The following ITGBL1 variants were observed in gnomAD, a reference collection of about 807,000 sequenced individuals.
ITGBL1 encodes the protein integrin subunit beta like 1.
In ITGBL1, 51 loss-of-function variants were observed where a neutral mutation model predicts 68.5. That is an observed-to-expected ratio of 0.74 (90% CI 0.59 to 0.94). ITGBL1 has a LOEUF of 0.94. ITGBL1 is among the 40% of genes least tolerant of loss of function. ITGBL1 has a pLI of 0.00. For synonymous variants in ITGBL1, 209 were observed against 227.3 expected (o/e 0.92, Z 0.72); for missense variants, 649 against 647.4 (o/e 1.00, Z -0.03).
intron 4 of ITGBL1, among the ~76,000 whole-genome samples, chr13:101,575,916 A>C (rs1412428711): frequency 6.6e-6 from 1 of 152,108 alleles, no homozygotes; most frequent in Non-Finnish European, 1.5e-5. Context: ...TTTCTAAAAC[A>C]TGAGTCTCAT....
At chr13:101,564,846 T>C (rs2050158441) in intron 2 of ITGBL1, among the ~76,000 whole-genome samples, 1 of 151,406 alleles carries the variant, frequency 6.6e-6, no homozygotes, top group Non-Finnish European at 1.5e-5. Flanking sequence ...AGAAGATAGA[T>C]GTCCCTAAAA....
intron 7 of ITGBL1, among the ~76,000 whole-genome samples, chr13:101,619,368 G>C (rs752765844): frequency 6.6e-6 from 1 of 151,926 alleles, no homozygotes; most frequent in Non-Finnish European, 1.5e-5. Flanking sequence ...GTGGACATGG[G>C]AAAGAAAGAG....
intron 6 of ITGBL1, among the ~76,000 whole-genome samples, chr13:101,583,618 G>C (rs189980444): frequency 6.6e-6 from 1 of 151,944 alleles, no homozygotes; most frequent in Non-Finnish European, 1.5e-5. Flanking sequence ...TTGCATGCCC[G>C]TATCAAAACA....
At chr13:101,617,090 CAA>C (rs2031395685) in intron 7 of ITGBL1, among the ~76,000 whole-genome samples, 1 of 152,146 alleles carries the variant, frequency 6.6e-6, no homozygotes, top group African/African-American at 2.4e-5. Flanking sequence ...TAAAATCAAA[CAA>C]AGACTTTTAG....
At chr13:101,608,445 T>C (rs1594927367) in intron 7 of ITGBL1, among the ~76,000 whole-genome samples, 1 of 152,094 alleles carries the variant, frequency 6.6e-6, no homozygotes, top group Non-Finnish European at 1.5e-5. Flanking sequence ...TTACCTTTCT[T>C]ATTCATGTTT....
At chr13:101,590,644 A>G (rs1319089010) in intron 6 of ITGBL1, among the ~76,000 whole-genome samples, 2 of 152,188 alleles carry the variant, frequency 1.3e-5, no homozygotes, top group African/African-American at 4.8e-5. Context: ...TCCAGTGTCA[A>G]CAAGTCTCTC....
intron 7 of ITGBL1, among the ~76,000 whole-genome samples, chr13:101,657,301 A>C (rs2032956145): frequency 6.6e-6 from 1 of 152,194 alleles, no homozygotes; most frequent in Non-Finnish European, 1.5e-5. Flanking sequence ...AAAATGATTT[A>C]TTAATATTTT....
intron 8 of ITGBL1, among the ~76,000 whole-genome samples, chr13:101,703,145 G>A (rs1403975134): frequency 6.7e-6 from 1 of 149,620 alleles, no homozygotes; most frequent in African/African-American, 2.5e-5. Context: ...TATACCATGA[G>A]ATGGAAGTCA....
intron 2 of ITGBL1, among the ~76,000 whole-genome samples, chr13:101,481,168 G>A (rs1043899574): frequency 6.9e-6 from 1 of 144,958 alleles, no homozygotes; most frequent in Non-Finnish European, 1.5e-5. Context: ...ATATGAGAGA[G>A]AGCATATATA....
intron 2 of ITGBL1, among the ~76,000 whole-genome samples, chr13:101,563,258 T>A: frequency 6.8e-6 from 1 of 147,510 alleles, no homozygotes; most frequent in Non-Finnish European, 1.5e-5. Context: ...AAAGACCTAA[T>A]TAAATCCAAA....
chr13:101,631,456 G>A (rs774513871), intron 7 of ITGBL1, among the ~76,000 whole-genome samples: 13 of 152,036 alleles, frequency 8.6e-5, no homozygotes, highest in Non-Finnish European at 1.3e-4. Flanking sequence ...AGGAGGAAAG[G>A]CATTTAATGA....
At chr13:101,545,083 C>A (rs764879683) in intron 2 of ITGBL1, among the ~76,000 whole-genome samples, 4 of 152,158 alleles carry the variant, frequency 2.6e-5, no homozygotes, top group Non-Finnish European at 5.9e-5. Flanking sequence ...CAACACCCCT[C>A]AGTGAGATGA....
chr13:101,560,679 G>A (rs2050085182), intron 2 of ITGBL1, among the ~76,000 whole-genome samples: 1 of 152,164 alleles, frequency 6.6e-6, no homozygotes, highest in Non-Finnish European at 1.5e-5. Flanking sequence ...ACATCCCTCT[G>A]TATGCTGTTT....
Position 101,667,583 on chromosome 13 carries a change from A to G in ITGBL1, c.1016-25002A>G, listed in dbSNP as rs557697794. On this transcript the variant is annotated intron_variant, in intron 7 of 10. Transcript: ENST00000376180. ...ATGCACAGCCTTCATAATATTACCC[A>G]TCAGGACAAATGAAAATCTTAAGTT... Among the ~76,000 whole-genome samples, 14 of 152,322 alleles carry G rather than the reference A, an allele frequency of 9.2e-5. No individual in the cohort carries two copies. In the South Asian group the frequency reaches 2.3e-3, roughly 25 times the overall value.
intron 3 of ITGBL1, among the ~76,000 whole-genome samples, chr13:101,573,705 T>G (rs764669848): frequency 6.6e-6 from 1 of 152,124 alleles, no homozygotes; most frequent in African/African-American, 2.4e-5. Context: ...AGCAATGCCT[T>G]TAAAAATGCA....
chr13:101,642,250 C>T, intron 7 of ITGBL1, among the ~76,000 whole-genome samples: 1 of 151,862 alleles, frequency 6.6e-6, no homozygotes. Context: ...TTAATGATTG[C>T]CATTCTAACT....
Position 101,606,184 on chromosome 13 carries a change from A to ATG in ITGBL1, c.1015+7886_1015+7887insGT, listed in dbSNP as rs1398887608. On this transcript the variant is annotated intron_variant, in intron 7 of 10. Transcript: ENST00000376180. ...ATTCTATTAGGATTTTTATATATAT[A>ATG]TATATATAGCCTTATATCATATATA... Among the ~76,000 whole-genome samples, 5 of 145,512 alleles carry ATG rather than the reference A, an allele frequency of 3.4e-5. No homozygotes were observed. In the East Asian group the frequency reaches 9.9e-4, roughly 29 times the overall value.
chr13:101,515,195 A>G (rs1280486917), intron 2 of ITGBL1, among the ~76,000 whole-genome samples: 2 of 152,098 alleles, frequency 1.3e-5, no homozygotes, highest in Non-Finnish European at 2.9e-5. Flanking sequence ...CACATTTTAA[A>G]TATTAATGTT....
At chr13:101,683,564 A>G (rs1464591061) in intron 7 of ITGBL1, among the ~76,000 whole-genome samples, 1 of 151,984 alleles carries the variant, frequency 6.6e-6, no homozygotes, top group Non-Finnish European at 1.5e-5. Flanking sequence ...TCACATGTGT[A>G]TGCTTTTTTC....
Sources: allele counts gnomAD v4.1 joint callset (sites outside exome capture counted in the v4.1 genomes callset), GRCh38; gene constraint gnomAD v4.1.1; transcripts MANE v1.5; gene names NCBI Gene and HGNC (gene_info 2026-07-23, HGNC 2026-07-21).